CPLX4: variants seen among roughly 807,000 people sequenced by gnomAD.
CPLX4 encodes complexin-4.
A neutral mutation model predicts 16.1 loss-of-function variants in CPLX4; 17 were observed. That is an observed-to-expected ratio of 1.06 (90% CI 0.72 to 1.59). The LOEUF is 1.59. Ranked by LOEUF, CPLX4 falls within the 40% of genes most tolerant of loss-of-function variation. The pLI is 0.00. For synonymous variants in CPLX4, 55 were observed against 57.8 expected (o/e 0.95, Z 0.22); for missense variants, 193 against 192.9 (o/e 1.00, Z 0.00).
At chr18:59,315,100 C>A (rs1281093996) in intron 1 of CPLX4, among the ~76,000 whole-genome samples, 2 of 152,316 alleles carry the variant, frequency 1.3e-5, no homozygotes, top group Admixed American at 6.5e-5. Context: ...ACAGCACGAC[C>A]TTTCTCCAAA....
intron 2 of CPLX4, among the ~76,000 whole-genome samples, chr18:59,300,772 C>CATGGG (rs1035218682): frequency 2.0e-5 from 3 of 152,318 alleles, no homozygotes; most frequent in Middle Eastern, 6.8e-3. Context: ...CAGTCTTGCA[C>CATGGG]ATGGGGTTAG....
At position 59,317,431 on chromosome 18, in the gene CPLX4, C is replaced by T. The variant is rs541311191; in HGVS notation, c.167+865G>A. Among the ~76,000 whole-genome samples, 4 of 152,190 alleles carry T rather than the reference C, an allele frequency of 2.6e-5. No individual in the cohort carries two copies. The East Asian group carries it at 7.7e-4, about 29-fold the overall frequency. ...TTACATTTATTTCAGAATCAGTCTTCAAGTGGTGAAAAGTTGTTGGTGATA... is the reference window on the plus strand; with the variant it reads ...TTACATTTATTTCAGAATCAGTCTTTAAGTGGTGAAAAGTTGTTGGTGATA... On this transcript the variant is annotated intron_variant, in intron 1 of 2. Coordinates refer to ENST00000299721, the MANE Select transcript of CPLX4 (RefSeq NM_181654.4).
At chr18:59,310,168 T>C (rs1191897101) in intron 2 of CPLX4, among the ~76,000 whole-genome samples, 3 of 152,142 alleles carry the variant, frequency 2.0e-5, no homozygotes, top group African/African-American at 7.2e-5. Context: ...CAGTAAGCCA[T>C]GCAATGAAAG....
intron 1 of CPLX4, among the ~76,000 whole-genome samples, chr18:59,317,318 A>G (rs2070657654): frequency 6.6e-6 from 1 of 152,126 alleles, no homozygotes; most frequent in African/African-American, 2.4e-5. Context: ...TATGATAAAC[A>G]TTTAACCTCT....
rs1005280526 is a variant in CPLX4 at position 59,317,725 on chromosome 18, A to G, written c.167+571T>C. On this transcript the variant is annotated intron_variant, in intron 1 of 2. Coordinates refer to ENST00000299721, the MANE Select transcript of CPLX4 (RefSeq NM_181654.4). ...TTGTCCTACTATTCTACTTTTCTGT[A>G]TGTTTAGAATTTCCATATTAAACAG... 3.3e-5 allele frequency among the ~76,000 whole-genome samples: 5 copies of G among 151,658 alleles called. No individual in the cohort carries two copies. In the East Asian group the frequency reaches 9.6e-4, roughly 29 times the overall value.
intron 2 of CPLX4, among the ~76,000 whole-genome samples, chr18:59,307,654 C>T (rs2070585903): frequency 6.6e-6 from 1 of 152,126 alleles, no homozygotes. Context: ...TCTTAGTGAC[C>T]CAGATGGGCA....
At chr18:59,302,278 A>G (rs567611869) in intron 2 of CPLX4, among the ~76,000 whole-genome samples, 17 of 152,344 alleles carry the variant, frequency 1.1e-4, no homozygotes, top group East Asian at 9.6e-4. Flanking sequence ...ATTTGGACAC[A>G]GTTCACACTT....
At chr18:59,302,088 G>A (rs2070545600) in intron 2 of CPLX4, among the ~76,000 whole-genome samples, 1 of 152,162 alleles carries the variant, frequency 6.6e-6, no homozygotes, top group Non-Finnish European at 1.5e-5. Flanking sequence ...AAAGATCCGG[G>A]ACACAGCAAG....
At position 59,296,866 on chromosome 18, in the gene CPLX4, A is replaced by T. The variant is rs750964905; in HGVS notation, c.315T>A (p.Asp105Glu). The T allele has an allele frequency of 6.2e-7, 1 of 1,613,614 alleles. No homozygotes were observed. Among genetic ancestry groups the T allele is most frequent in the East Asian group, 2.2e-5 (1 of 44,880 alleles). ...GATCTTCATCTACCATTTTCCGGAG[A>T]TCTTCAGGTAAATCCACATCATCTC... ...MAGDDVDLPE[D>E]LRKMVDEDQE... The change falls in exon 3 of 3, where the codon GAT (aspartate) becomes GAA (glutamate). Residue 105 changes from aspartate to glutamate, a missense_variant. Transcript: ENST00000299721.
At chr18:59,300,974 AC>A (rs1463508054) in intron 2 of CPLX4, among the ~76,000 whole-genome samples, 1 of 152,062 alleles carries the variant, frequency 6.6e-6, no homozygotes, top group African/African-American at 2.4e-5. Context: ...CCCGCCCCTG[AC>A]TTTTGTGGGT....
At chr18:59,308,252 GC>G (rs1416603083) in intron 2 of CPLX4, among the ~76,000 whole-genome samples, 1 of 152,050 alleles carries the variant, frequency 6.6e-6, no homozygotes, top group Non-Finnish European at 1.5e-5. Context: ...GCATGATTCT[GC>G]CCCCCATAAG....
At chr18:59,301,745 C>A (rs1442808002) in intron 2 of CPLX4, among the ~76,000 whole-genome samples, 1 of 152,232 alleles carries the variant, frequency 6.6e-6, no homozygotes, top group African/African-American at 2.4e-5. Flanking sequence ...CTGGTGGAGG[C>A]AGCCTAGGAG....
intron 1 of CPLX4, among the ~76,000 whole-genome samples, chr18:59,315,123 G>A (rs894769724): frequency 6.6e-6 from 1 of 152,170 alleles, no homozygotes; most frequent in African/African-American, 2.4e-5. Flanking sequence ...GGTCATACTA[G>A]TTTATGCTTC....
At chr18:59,316,257 G>GCACA (rs61529866) in intron 1 of CPLX4, among the ~76,000 whole-genome samples, 2,945 of 150,980 alleles carry the variant, frequency 0.02, 108 homozygotes, top group African/African-American at 0.068. Flanking sequence ...TGGTGCGTGC[G>GCACA]CACACACACA....
intron 2 of CPLX4, 42 bp from the exon 3 acceptor site, chr18:59,296,967 T>C (rs1400632208): frequency 1.3e-6 from 2 of 1,577,052 alleles, no homozygotes; most frequent in Admixed American, 4.1e-5. Context: ...AACTCTAAAC[T>C]ACTAACTCAC....
intron 1 of CPLX4, among the ~76,000 whole-genome samples, chr18:59,314,710 T>A (rs2070641179): frequency 6.6e-6 from 1 of 152,214 alleles, no homozygotes. Flanking sequence ...TTTTCTACCA[T>A]AGATTGGTTT....
chr18:59,318,314 T>A lies in CPLX4; in HGVS notation c.149A>T (p.Lys50Met), dbSNP rs1219286220. ...MTREEYEEYQ[K>M]QMIEEKMERD... is the part of the protein sequence containing the mutation. ...TACTCACTTCTCCTCAATCATTTGCTTTTGATACTCCTCATACTCCTCTCT... is the reference window on the plus strand; with the variant it reads ...TACTCACTTCTCCTCAATCATTTGCATTTGATACTCCTCATACTCCTCTCT... The change falls in exon 1 of 3, where the codon AAG becomes ATG. Residue 50 changes from lysine (K) to methionine (M), a missense_variant. Coordinates refer to ENST00000299721, the MANE Select transcript of CPLX4 (RefSeq NM_181654.4). 4 of 1,608,760 alleles carry A rather than the reference T, an allele frequency of 2.5e-6. No homozygotes were observed. Among genetic ancestry groups the A allele is most frequent in the Middle Eastern group, 3.3e-4 (2 of 6,026 alleles).
intron 2 of CPLX4, among the ~76,000 whole-genome samples, chr18:59,312,484 G>A (rs907093555): frequency 1.4e-5 from 2 of 146,384 alleles, no homozygotes; most frequent in Non-Finnish European, 3.0e-5. Flanking sequence ...TCCTGAATAT[G>A]TGTATATATA....
chr18:59,308,541 CTT>C (rs372511937), intron 2 of CPLX4, among the ~76,000 whole-genome samples: 11 of 119,342 alleles, frequency 9.2e-5, no homozygotes, highest in Non-Finnish European at 1.0e-4. Context: ...CCTATCAAGA[CTT>C]TTTTTTTTTT....
Sources: allele counts gnomAD v4.1 joint callset (sites outside exome capture counted in the v4.1 genomes callset), GRCh38; gene constraint gnomAD v4.1.1; transcripts MANE v1.5; gene names NCBI Gene and HGNC (gene_info 2026-07-23, HGNC 2026-07-21).